SYNPR: variants seen among roughly 807,000 people sequenced by gnomAD.
The protein encoded by SYNPR is synaptoporin.
In SYNPR, 23 loss-of-function variants were observed where a neutral mutation model predicts 32.9. The ratio of observed to expected loss-of-function variants is 0.70; its 90% CI spans 0.50 to 0.99. The LOEUF is 0.99. SYNPR is among the 50% of genes least tolerant of loss of function. The pLI is 0.00. For missense variants in SYNPR, 318 were observed against 349.3 expected, an observed-to-expected ratio of 0.91 and a Z score of 0.71; for synonymous variants, 146 against 135.9, an observed-to-expected ratio of 1.07 and a Z score of -0.52.
chr3:63,516,772 T>G (rs1701808427), intron 3 of SYNPR, among the ~76,000 whole-genome samples: 1 of 152,088 alleles, frequency 6.6e-6, no homozygotes, highest in South Asian at 2.1e-4. Flanking sequence ...TCATCTTTAG[T>G]TTTTTCTTCT....
At chr3:63,437,713 T>G (rs2167355) in intron 2 of SYNPR, among the ~76,000 whole-genome samples, 47,232 of 151,630 alleles carry the variant, frequency 0.31, 9,666 homozygotes, top group African/African-American at 0.59. Context: ...AAGCTGTAAG[T>G]ATGGAGAGGG....
rs77611729 is a variant in SYNPR at position 63,279,284 on chromosome 3, G to A, written c.84+542G>A. Among the ~76,000 whole-genome samples, 1,339 of 152,286 alleles carry A rather than the reference G, an allele frequency of 8.8e-3. 58 individuals carry two copies. In the East Asian group the frequency reaches 0.12, roughly 13 times the overall value. Reference sequence around the variant, plus strand: ...GGAAAGATGCTGCGAAGCTATTACAGACTGTTATAAACGGCGGCGGGTAGA... The same window carrying A: ...GGAAAGATGCTGCGAAGCTATTACAAACTGTTATAAACGGCGGCGGGTAGA... On this transcript the variant is annotated intron_variant, in intron 2 of 5. Transcript: ENST00000478300.
the SYNPR span, among the ~76,000 whole-genome samples, chr3:63,221,974 A>C: frequency 7.0e-6 from 1 of 142,592 alleles, no homozygotes; most frequent in East Asian, 2.1e-4. Flanking sequence ...GCAGTAGAAG[A>C]TTATCTTACA....
intron 2 of SYNPR, among the ~76,000 whole-genome samples, chr3:63,311,912 A>G (rs1355141834): frequency 6.6e-6 from 1 of 152,022 alleles, no homozygotes; most frequent in Non-Finnish European, 1.5e-5. Flanking sequence ...GACCTAAGAC[A>G]TACCCATCCT....
Position 63,492,636 on chromosome 3 carries a change from T to C in SYNPR, c.209+11680T>C, listed in dbSNP as rs767362119. Among the ~76,000 whole-genome samples, 8 of 152,228 alleles carry C rather than the reference T, an allele frequency of 5.3e-5. No homozygotes were observed. In the South Asian group the frequency reaches 8.3e-4, roughly 16 times the overall value. On this transcript the variant is annotated intron_variant, in intron 3 of 5. Coordinates refer to ENST00000478300, the MANE Select transcript of SYNPR (RefSeq NM_001130003.2). The stretch of plus-strand genomic sequence containing the variant: ...GGCTGTTGTTTCTGTTGAGCTCCCA[T>C]AGGGAAGTGACAAGCGGCAGAGATT...
intron 2 of SYNPR, among the ~76,000 whole-genome samples, chr3:63,365,993 A>G (rs1382489726): frequency 6.6e-6 from 1 of 152,246 alleles, no homozygotes; most frequent in East Asian, 1.9e-4. Flanking sequence ...TGCTGCAGCA[A>G]TAGCTCTTTG....
chr3:63,397,555 A>C (rs1476887701), intron 2 of SYNPR, among the ~76,000 whole-genome samples: 1 of 152,172 alleles, frequency 6.6e-6, no homozygotes, highest in African/African-American at 2.4e-5. Context: ...AGAGAATGAC[A>C]GTTATAAAAC....
At chr3:63,549,569 A>G (rs960738775) in intron 3 of SYNPR, among the ~76,000 whole-genome samples, 1 of 152,184 alleles carries the variant, frequency 6.6e-6, no homozygotes, top group Non-Finnish European at 1.5e-5. Flanking sequence ...TGTTATGAGC[A>G]TTAAATGAGA....
chr3:63,580,548 C>G (rs1327860216), intron 4 of SYNPR, among the ~76,000 whole-genome samples: 2 of 151,644 alleles, frequency 1.3e-5, no homozygotes, highest in Non-Finnish European at 2.9e-5. Flanking sequence ...AAGCATTAAC[C>G]TAATATGAAC....
chr3:63,543,932 G>T (rs555376157), intron 3 of SYNPR, among the ~76,000 whole-genome samples: 1 of 152,060 alleles, frequency 6.6e-6, no homozygotes, highest in African/African-American at 2.4e-5. Context: ...GGTGGGTGGC[G>T]GGGCGTTATT....
At chr3:63,576,607 T>C (rs1702983965) in intron 4 of SYNPR, among the ~76,000 whole-genome samples, 1 of 151,824 alleles carries the variant, frequency 6.6e-6, no homozygotes. Context: ...CTGGCTAATA[T>C]GGTGAAACCC....
chr3:63,305,405 GTT>G (rs2086899893), intron 2 of SYNPR, among the ~76,000 whole-genome samples: 1 of 152,022 alleles, frequency 6.6e-6, no homozygotes, highest in Admixed American at 6.6e-5. Context: ...TTACCCAGCA[GTT>G]GACAACCAAT....
chr3:63,330,489 C>A (rs2087216601), intron 2 of SYNPR, among the ~76,000 whole-genome samples: 1 of 151,922 alleles, frequency 6.6e-6, no homozygotes, highest in South Asian at 2.1e-4. Flanking sequence ...CCTCATGCAG[C>A]CACGGGTTCA....
intron 2 of SYNPR, among the ~76,000 whole-genome samples, chr3:63,410,543 C>A (rs1446177770): frequency 4.6e-5 from 7 of 152,128 alleles, no homozygotes; most frequent in Non-Finnish European, 8.8e-5. Context: ...AAATTTTGAT[C>A]ATGATTTATG....
intron 3 of SYNPR, among the ~76,000 whole-genome samples, chr3:63,533,449 T>C (rs540001369): frequency 6.6e-5 from 10 of 152,286 alleles, no homozygotes; most frequent in African/African-American, 2.2e-4. Context: ...CAATTAGTCC[T>C]TTTTGTTTTA....
chr3:63,576,167 C>G (rs879915773), intron 4 of SYNPR, among the ~76,000 whole-genome samples: 5 of 152,098 alleles, frequency 3.3e-5, no homozygotes, highest in Non-Finnish European at 5.9e-5. Context: ...AGATCAGCAG[C>G]GTCCATCATC....
intron 2 of SYNPR, among the ~76,000 whole-genome samples, chr3:63,449,412 T>C (rs1575649976): frequency 6.6e-6 from 1 of 152,184 alleles, no homozygotes; most frequent in Non-Finnish European, 1.5e-5. Context: ...ATTAACATTC[T>C]GGTGCAGATA....
At chr3:63,341,300 CT>C (rs2087367718) in intron 2 of SYNPR, among the ~76,000 whole-genome samples, 1 of 152,168 alleles carries the variant, frequency 6.6e-6, no homozygotes, top group Non-Finnish European at 1.5e-5. Flanking sequence ...TGAAGGACAT[CT>C]TGTTTGCTTC....
At chr3:63,550,391 TTGTG>T (rs532958394) in intron 3 of SYNPR, among the ~76,000 whole-genome samples, 162 of 150,650 alleles carry the variant, frequency 1.1e-3, no homozygotes, top group African/African-American at 3.7e-3. Flanking sequence ...ACACGTGTGT[TTGTG>T]TGTGTGTGTG....
Sources: gnomAD v4.1 joint callset for allele counts (sites outside exome capture counted in the v4.1 genomes callset) on GRCh38, gnomAD v4.1.1 for gene constraint, MANE v1.5 for transcripts, NCBI Gene and HGNC (gene_info 2026-07-23, HGNC 2026-07-21) for gene names.